The following MORN2 variants were observed in gnomAD, a reference collection of about 807,000 sequenced individuals.
MORN2 encodes the protein MORN repeat-containing protein 2.
Under a neutral mutation model 13.4 loss-of-function variants are expected in MORN2, and 15 were observed. The ratio of observed to expected loss-of-function variants is 1.12; its 90% CI spans 0.75 to 1.72. The LOEUF is 1.72. MORN2 is among the 40% of genes most tolerant of loss of function. MORN2 has a pLI of 0.00. For synonymous variants in MORN2, 46 were observed against 43.6 expected, an observed-to-expected ratio of 1.06 and a Z score of -0.22; for missense variants, 168 against 134.6, an observed-to-expected ratio of 1.25 and a Z score of -1.23.
intron 1 of MORN2, among the ~76,000 whole-genome samples, chr2:38,877,530 T>A (rs553791021): frequency 7.7e-4 from 117 of 152,186 alleles, no homozygotes; most frequent in African/African-American, 2.7e-3. Flanking sequence ...TTAATTAGTG[T>A]CTATATTTAA....
Position 38,881,583 on chromosome 2 carries a change from G to C in MORN2, c.353+5G>C, listed in dbSNP as rs1266922892. 1 of 1,492,664 alleles carries C rather than the reference G, an allele frequency of 6.7e-7. No individual in the cohort carries two copies. Among genetic ancestry groups the C allele is most frequent in the Non-Finnish European group, 8.9e-7 (1 of 1,125,110 alleles). 92.5% of individuals were successfully genotyped at this position (1,492,664 alleles called of 1,614,324 possible). A position where few individuals can be genotyped will look rare whatever the true frequency, so the allele number is the denominator to read the frequency against. On this transcript the variant is annotated splice_donor_5th_base_variant and intron_variant, in intron 4 of 4. Coordinates refer to ENST00000644631, the MANE Select transcript of MORN2 (RefSeq NM_001145450.3). ...TGGAAATTTCAATGAAAATAGGTAAGCTTAAAATAAAAAAAAATCACTGCA... is the reference window on the plus strand; with the variant it reads ...TGGAAATTTCAATGAAAATAGGTAACCTTAAAATAAAAAAAAATCACTGCA...
intron 2 of MORN2, 75 bp from the exon 3 acceptor site, chr2:38,880,525 C>T: frequency 1.1e-6 from 1 of 887,652 alleles, no homozygotes; most frequent in Non-Finnish European, 1.6e-6. Flanking sequence ...CAAAGAAACC[C>T]ATGAGGTGTA....
At chr2:38,877,090 G>A (rs1185209551) in intron 1 of MORN2, among the ~76,000 whole-genome samples, 1 of 152,112 alleles carries the variant, frequency 6.6e-6, no homozygotes, top group Non-Finnish European at 1.5e-5. Flanking sequence ...AGCAGATCTG[G>A]TAATCTAGTT....
intron 1 of MORN2, among the ~76,000 whole-genome samples, chr2:38,879,731 G>A (rs555204838): frequency 6.6e-6 from 1 of 152,122 alleles, no homozygotes; most frequent in Admixed American, 6.6e-5. Context: ...ATTAGATTGT[G>A]ATGATAGTTG....
At chr2:38,879,548 A>T (rs566423908) in intron 1 of MORN2, among the ~76,000 whole-genome samples, 1 of 152,230 alleles carries the variant, frequency 6.6e-6, no homozygotes, top group South Asian at 2.1e-4. Flanking sequence ...ACCACATATT[A>T]TATGATTTCA....
intron 1 of MORN2, among the ~76,000 whole-genome samples, chr2:38,876,857 C>T (rs1665643563): frequency 6.6e-6 from 1 of 152,098 alleles, no homozygotes; most frequent in African/African-American, 2.4e-5. Flanking sequence ...CTTGATTTGC[C>T]CCATCTAAGG....
Position 38,881,473 on chromosome 2 carries a change from C to T in MORN2, c.248C>T (p.Ser83Leu). Reference sequence around the variant, plus strand: ...GGTTTTGGAAGACTTGAGCATTTTTCAGGAGCAGTATATGAAGGACAATTT... The same window carrying T: ...GGTTTTGGAAGACTTGAGCATTTTTTAGGAGCAGTATATGAAGGACAATTT... Residue 83 changes from serine to leucine, a missense_variant, in exon 4 of 5, where the codon TCA becomes TTA. Ser to Leu is a moderately radical substitution (Grantham distance 145). Coordinates refer to ENST00000644631, the MANE Select transcript of MORN2 (RefSeq NM_001145450.3). 1 of 1,538,598 alleles carries T rather than the reference C, an allele frequency of 6.5e-7. No homozygotes were observed. The highest frequency in any genetic ancestry group is 2.5e-5 in the East Asian group (1 of 40,158).
chr2:38,880,020 G>C (rs533537145), intron 1 of MORN2, among the ~76,000 whole-genome samples, 159 bp from the exon 2 acceptor site: 3 of 152,212 alleles, frequency 2.0e-5, no homozygotes, highest in Non-Finnish European at 4.4e-5. Context: ...TTGGTTGGGT[G>C]TGGTGGCTCA....
intron 1 of MORN2, 25 bp downstream of exon 1, chr2:38,876,135 C>T (rs1169019481): frequency 2.5e-6 from 1 of 398,620 alleles, no homozygotes; most frequent in African/African-American, 2.1e-5. Flanking sequence ...TCCTAACGAC[C>T]CGGGCAGAGA....
At chr2:38,878,987 T>C (rs960453743) in intron 1 of MORN2, among the ~76,000 whole-genome samples, 19 of 152,212 alleles carry the variant, frequency 1.2e-4, no homozygotes, top group Non-Finnish European at 2.6e-4. Context: ...ACATAAGTTT[T>C]CTTCAGTATC....
At position 38,882,420 on chromosome 2, in the gene MORN2, G is replaced by A; in HGVS notation, c.361G>A (p.Gly121Ser). 3 of 1,544,880 alleles carry A rather than the reference G, an allele frequency of 1.9e-6. No individual in the cohort carries two copies. Among genetic ancestry groups the A allele is most frequent in the Non-Finnish European group, 1.8e-6 (2 of 1,141,784 alleles). ...TATTTTCTACTATTGCAGGGTGGAA[G>A]GTGAAGGGGAATATACTGATATCCA... Residue 121 changes from glycine (G) to serine (S), a missense_variant, in exon 5 of 5, where the codon GGT becomes AGT. By Grantham distance (56) the Gly-to-Ser change is moderately conservative. Transcript: ENST00000644631.
chr2:38,877,058 A>G (rs1011921048), intron 1 of MORN2, among the ~76,000 whole-genome samples: 1 of 152,306 alleles, frequency 6.6e-6, no homozygotes, highest in South Asian at 2.1e-4. Flanking sequence ...AGAGTACGGC[A>G]TGGCATCTGT....
intron 4 of MORN2, among the ~76,000 whole-genome samples, chr2:38,881,795 T>C (rs1166204719): frequency 6.6e-6 from 1 of 152,080 alleles, no homozygotes; most frequent in Non-Finnish European, 1.5e-5. Context: ...GGTCCACAGA[T>C]GTGCACTACC....
chr2:38,880,647 A>G lies in MORN2; in HGVS notation c.157A>G (p.Ile53Val), dbSNP rs2124967823. Residue 53 changes from isoleucine (I) to valine (V), a missense_variant, in exon 3 of 5, where the codon ATA becomes GTA. By Grantham distance (29) the Ile-to-Val change is conservative. Transcript: ENST00000644631. ...TTCTGGAATCTACGAGAGAAATGGA[A>G]TAGGTATTCATACCACTCCTAATGG... 2 of 1,546,778 alleles carry G rather than the reference A, an allele frequency of 1.3e-6. No homozygotes were observed. The highest frequency in any genetic ancestry group is 1.2e-5 in the South Asian group (1 of 83,218).
chr2:38,877,282 A>ATTAAT (rs958376287), intron 1 of MORN2, among the ~76,000 whole-genome samples: 53 of 149,558 alleles, frequency 3.5e-4, no homozygotes, highest in African/African-American at 6.8e-4. Flanking sequence ...AAATAAATAA[A>ATTAAT]TAAATAAATT....
intron 1 of MORN2, among the ~76,000 whole-genome samples, chr2:38,878,284 A>G (rs1414064257): frequency 1.3e-5 from 2 of 152,084 alleles, no homozygotes; most frequent in African/African-American, 2.4e-5. Flanking sequence ...CTTGTTTTTA[A>G]CTAGCCTAGC....
Position 38,876,050 on chromosome 2 carries a change from G to C in MORN2, c.-3G>C. Reference sequence around the variant, plus strand: ...AGCGCCTAGTTCTCTCCCGGCCGCAGAGCTGGCCGCCCAGGGGGAGTCGCA... The same window carrying C: ...AGCGCCTAGTTCTCTCCCGGCCGCACAGCTGGCCGCCCAGGGGGAGTCGCA... On this transcript the variant is annotated 5_prime_UTR_variant, in exon 1 of 5. Transcript: ENST00000644631. 2.5e-6 allele frequency: 1 copy of C among 398,754 alleles called. No individual in the cohort carries two copies. Among genetic ancestry groups the C allele is most frequent in the Non-Finnish European group, 4.4e-6 (1 of 226,148 alleles). 24.7% of individuals were successfully genotyped at this position (398,754 alleles called of 1,614,324 possible). A position where few individuals can be genotyped will look rare whatever the true frequency, so the allele number is the denominator to read the frequency against.
chr2:38,879,889 C>T (rs1266663694), intron 1 of MORN2, among the ~76,000 whole-genome samples: 1 of 152,046 alleles, frequency 6.6e-6, no homozygotes, highest in Non-Finnish European at 1.5e-5. Flanking sequence ...CCCCGGGACC[C>T]TACATTAGAC....
intron 1 of MORN2, among the ~76,000 whole-genome samples, chr2:38,877,849 A>T (rs1665689526): frequency 1.3e-5 from 2 of 151,922 alleles, no homozygotes; most frequent in African/African-American, 4.8e-5. Flanking sequence ...CCCAGGCTGG[A>T]GGGCAGGGTG....
Sources: gnomAD v4.1 joint callset for allele counts (sites outside exome capture counted in the v4.1 genomes callset) on GRCh38, gnomAD v4.1.1 for gene constraint, MANE v1.5 for transcripts, NCBI Gene and HGNC (gene_info 2026-07-23, HGNC 2026-07-21) for gene names.